Variants in AP5M1 observed in about 807,000 individuals in gnomAD.
The protein encoded by AP5M1 is adaptor related protein complex 5 subunit mu 1.
A neutral mutation model predicts 52.3 loss-of-function variants in AP5M1; 44 were observed. The observed-to-expected ratio is 0.84, with a 90% CI of 0.66 to 1.08. AP5M1 has a LOEUF of 1.08. AP5M1 is among the 50% of genes least tolerant of loss of function. AP5M1 has a pLI of 0.00. For missense variants in AP5M1, 526 were observed against 568.4 expected (o/e 0.93, Z 0.76); for synonymous variants, 213 against 199.0 (o/e 1.07, Z -0.59).
chr14:57,277,680 G>GAATACAT (rs1406652349), intron 2 of AP5M1, among the ~76,000 whole-genome samples: 11 of 143,222 alleles, frequency 7.7e-5, no homozygotes, highest in Non-Finnish European at 1.0e-4. Flanking sequence ...GATACATAAT[G>GAATACAT]AATTCCCACA....
rs1374269226 is a variant in AP5M1 at position 57,294,564 on chromosome 14, T to A, written c.*5680T>A. On this transcript the variant is annotated 3_prime_UTR_variant, in exon 8 of 8. Coordinates refer to ENST00000261558, the MANE Select transcript of AP5M1 (RefSeq NM_018229.4). ...GCTAATTTATTTATATTAACTCTTA[T>A]TAATTTGCCAGTGGTTGAAGTTGGA... The A allele has an allele frequency of 6.8e-6, 1 of 147,388 alleles. No individual in the cohort carries two copies. The highest frequency in any genetic ancestry group is 2.5e-5 in the African/African-American group (1 of 39,616). The allele number at this position is 147,388 out of a possible 1,614,324, so 9.1% of individuals were successfully genotyped here.
chr14:57,280,231 A>G lies in AP5M1; in HGVS notation c.757A>G (p.Ser253Gly). 6.2e-7 allele frequency: 1 copy of G among 1,613,988 alleles called. No homozygotes were observed. The highest frequency in any genetic ancestry group is 8.5e-7 in the Non-Finnish European group (1 of 1,179,926). The change falls in exon 3 of 8, where the codon AGC becomes GGC. Residue 253 changes from serine to glycine, a missense_variant. Ser to Gly is a moderately conservative substitution (Grantham distance 56). Transcript: ENST00000261558. ...AGGAATCATGCCAAATGTTACCATCAGCTTGAGTCTCCCCACCAATGGATC... is the reference window on the plus strand; with the variant it reads ...AGGAATCATGCCAAATGTTACCATCGGCTTGAGTCTCCCCACCAATGGATC... ...LEGIMPNVTI[S>G]LSLPTNGSPL...
chr14:57,277,011 C>A (rs960499835), intron 2 of AP5M1, among the ~76,000 whole-genome samples: 1 of 152,194 alleles, frequency 6.6e-6, no homozygotes, highest in East Asian at 1.9e-4. Context: ...AAAACCAGAG[C>A]CAAAGGCCAG....
intron 7 of AP5M1, 109 bp downstream of exon 7, chr14:57,286,428 C>T (rs1050061864): frequency 2.7e-6 from 2 of 740,312 alleles, no homozygotes; most frequent in South Asian, 1.7e-5. Context: ...AGAATAATCC[C>T]AATTTATAAA....
chr14:57,296,748 CTGAG>C lies in AP5M1; in HGVS notation c.*7865_*7868del, dbSNP rs1331891746. 1 of 151,966 alleles carries C rather than the reference CTGAG, an allele frequency of 6.6e-6. No homozygotes were observed. The highest frequency in any genetic ancestry group is 6.6e-5 in the Admixed American group (1 of 15,216). 9.4% of individuals were successfully genotyped at this position (151,966 alleles called of 1,614,324 possible). A position where few individuals can be genotyped will look rare whatever the true frequency, so the allele number is the denominator to read the frequency against. On this transcript the variant is annotated 3_prime_UTR_variant, in exon 8 of 8. Transcript: ENST00000261558. ...AGGTATGGCTTGGAATTTAGAACTG[CTGAG>C]CAATATGGTTGAGAGGGAGACCTTA...
chr14:57,277,083 CA>C (rs1885057190), intron 2 of AP5M1, among the ~76,000 whole-genome samples: 1 of 151,480 alleles, frequency 6.6e-6, no homozygotes. Flanking sequence ...GAAAGTTACA[CA>C]ATTTTGTGAA....
At chr14:57,272,360 A>G (rs2139683946) in intron 1 of AP5M1, among the ~76,000 whole-genome samples, 1 of 152,314 alleles carries the variant, frequency 6.6e-6, no homozygotes, top group East Asian at 1.9e-4. Flanking sequence ...AAGAAGGCAA[A>G]TGATGTTTTC....
chr14:57,269,056 G>T lies in AP5M1; in HGVS notation c.-259G>T, dbSNP rs910961477. 20 of 559,912 alleles carry T rather than the reference G, an allele frequency of 3.6e-5. No homozygotes were observed. Among genetic ancestry groups the T allele is most frequent in the Non-Finnish European group, 5.9e-5 (19 of 320,768 alleles). 34.7% of individuals were successfully genotyped at this position (559,912 alleles called of 1,614,324 possible). Reference sequence around the variant, plus strand: ...GAATTTAGAGGAAGAAAATACCGGAGTTGCAGGGTATAGGTAAATTTCTCA... The same window carrying T: ...GAATTTAGAGGAAGAAAATACCGGATTTGCAGGGTATAGGTAAATTTCTCA... On this transcript the variant is annotated 5_prime_UTR_variant, in exon 1 of 8. Transcript: ENST00000261558.
chr14:57,278,334 A>G (rs1202632094), intron 2 of AP5M1: 2 of 152,248 alleles, frequency 1.3e-5, no homozygotes, highest in Admixed American at 6.5e-5. Flanking sequence ...AAAAGTTCAC[A>G]AAGAAGTCTG....
intron 2 of AP5M1, chr14:57,275,550 T>C (rs1436405758): frequency 6.5e-6 from 1 of 152,724 alleles, no homozygotes; most frequent in African/African-American, 2.4e-5. Context: ...CTTCCACTAC[T>C]TTCTGTTCAT....
chr14:57,280,556 G>A (rs1873814928), intron 3 of AP5M1, 134 bp downstream of exon 3: 3 of 702,954 alleles, frequency 4.3e-6, no homozygotes, highest in Non-Finnish European at 7.1e-6. Flanking sequence ...GATGATTGAA[G>A]ATGAAGATTT....
Position 57,296,757 on chromosome 14 carries a change from A to G in AP5M1, c.*7873A>G, listed in dbSNP as rs1885561550. 6.6e-6 allele frequency: 1 copy of G among 152,114 alleles called. No individual in the cohort carries two copies. Among genetic ancestry groups the G allele is most frequent in the Non-Finnish European group, 1.5e-5 (1 of 67,996 alleles). 9.4% of individuals were successfully genotyped at this position (152,114 alleles called of 1,614,324 possible). On this transcript the variant is annotated 3_prime_UTR_variant, in exon 8 of 8. Coordinates refer to ENST00000261558, the MANE Select transcript of AP5M1 (RefSeq NM_018229.4). ...TTGGAATTTAGAACTGCTGAGCAATATGGTTGAGAGGGAGACCTTAATTTA... is the reference window on the plus strand; with the variant it reads ...TTGGAATTTAGAACTGCTGAGCAATGTGGTTGAGAGGGAGACCTTAATTTA...
Position 57,280,226 on chromosome 14 carries a change from C to A in AP5M1, c.752C>A (p.Thr251Asn), listed in dbSNP as rs763406494. 2.0e-5 allele frequency: 33 copies of A among 1,613,740 alleles called. No homozygotes were observed. The highest frequency in any genetic ancestry group is 2.8e-5 in the Non-Finnish European group (33 of 1,179,798). The change falls in exon 3 of 8, where the codon ACC becomes AAC. Residue 251 changes from threonine to asparagine, a missense_variant. Physicochemically the swap from Thr to Asn is moderately conservative, Grantham distance 65 (BLOSUM62 0). Transcript: ENST00000261558. ...CDLEGIMPNV[T>N]ISLSLPTNGS... is the part of the protein sequence containing the mutation. ...TTGGAAGGAATCATGCCAAATGTTA[C>A]CATCAGCTTGAGTCTCCCCACCAAT...
At position 57,277,148 on chromosome 14, in the gene AP5M1, T is replaced by A. The variant is rs566344101; in HGVS notation, c.720+2259T>A. Among the ~76,000 whole-genome samples, 257 of 148,150 alleles carry A rather than the reference T, an allele frequency of 1.7e-3. 5 individuals carry two copies. Among genetic ancestry groups the A allele is most frequent in the Admixed American group, 6.7e-3 (102 of 15,114 alleles). On this transcript the variant is annotated intron_variant, in intron 2 of 7. Coordinates refer to ENST00000261558, the MANE Select transcript of AP5M1 (RefSeq NM_018229.4). ...CTCTTAGGTGCCTTTTTTTTTTTTT[T>A]AAATAACTTTTACTTCTAAAGTTGG...
intron 2 of AP5M1, among the ~76,000 whole-genome samples, chr14:57,279,488 A>G (rs1214063204): frequency 4.6e-5 from 7 of 152,300 alleles, no homozygotes; most frequent in South Asian, 2.1e-4. Flanking sequence ...ACGAGACCAC[A>G]TGGTCACAAG....
chr14:57,280,334 C>G lies in AP5M1; in HGVS notation c.860C>G (p.Ala287Gly), dbSNP rs1465738528. Residue 287 changes from alanine to glycine, a missense_variant, in exon 3 of 8, where the codon GCA (alanine) becomes GGA (glycine). Transcript: ENST00000261558. ...SAILTSSSID[A>G]MDDSAFSGPY... Reference sequence around the variant, plus strand: ...ATTCTGACTTCTAGTAGTATTGATGCAATGGATGACTCTGCATTTAGTGGG... The same window carrying G: ...ATTCTGACTTCTAGTAGTATTGATGGAATGGATGACTCTGCATTTAGTGGG... The G allele has an allele frequency of 6.2e-7, 1 of 1,613,822 alleles. No homozygotes were observed. Among genetic ancestry groups the G allele is most frequent in the East Asian group, 2.2e-5 (1 of 44,850 alleles).
In AP5M1 at chr14:57,290,610, G is replaced by T. The variant is rs1034567968; in HGVS notation, c.*1726G>T. ...AGTTTATAAGCAGTTAGAAAAATCA[G>T]TGAATCTTCTATTTGACATTTCTAG... On this transcript the variant is annotated 3_prime_UTR_variant, in exon 8 of 8. Coordinates refer to ENST00000261558, the MANE Select transcript of AP5M1 (RefSeq NM_018229.4). 1 of 151,908 alleles carries T rather than the reference G, an allele frequency of 6.6e-6. No individual in the cohort carries two copies. Among genetic ancestry groups the T allele is most frequent in the Non-Finnish European group, 1.5e-5 (1 of 67,900 alleles). 9.4% of individuals were successfully genotyped at this position (151,908 alleles called of 1,614,324 possible).
In AP5M1 at chr14:57,274,563, T is replaced by A. The variant is rs1166381596; in HGVS notation, c.394T>A (p.Phe132Ile). ...LISVSGVSQGFEFLFGIQDFL... is the reference protein window; with the variant it reads ...LISVSGVSQGIEFLFGIQDFL... ...TAGTGTCAGTGGAGTTTCACAAGGCTTTGAATTTCTTTTTGGGATACAGGA... is the reference window on the plus strand; with the variant it reads ...TAGTGTCAGTGGAGTTTCACAAGGCATTGAATTTCTTTTTGGGATACAGGA... Residue 132 changes from phenylalanine to isoleucine, a missense_variant, in exon 2 of 8, where the codon TTT (phenylalanine) becomes ATT (isoleucine). By Grantham distance (21) the Phe-to-Ile change is conservative (BLOSUM62 0). Around this residue, in one of 3 missense-constraint regions of AP5M1, gnomAD observed 425 missense variants for 430.6 expected, o/e 0.99. Transcript: ENST00000261558. 1 of 1,614,166 alleles carries A rather than the reference T, an allele frequency of 6.2e-7. No homozygotes were observed. The highest frequency in any genetic ancestry group is 8.5e-7 in the Non-Finnish European group (1 of 1,180,028).
Position 57,282,924 on chromosome 14 carries a change from C to G in AP5M1, c.1089-10C>G, listed in dbSNP as rs748233296. On this transcript the variant is annotated splice_polypyrimidine_tract_variant and intron_variant, in intron 4 of 7. Transcript: ENST00000261558. ...TGATCTTTTTCTATTTTATCCTTTT[C>G]TTTTTAAAGAGGTCCAATTACACAT... 7.1e-6 allele frequency: 11 copies of G among 1,545,068 alleles called. No homozygotes were observed. In the Admixed American group the frequency reaches 2.0e-4, roughly 28 times the overall value.
Sources: allele counts gnomAD v4.1 joint callset (sites outside exome capture counted in the v4.1 genomes callset), GRCh38; gene constraint gnomAD v4.1.1; regional missense constraint gnomAD v4.1.1; transcripts MANE v1.5; gene names NCBI Gene and HGNC (gene_info 2026-07-23, HGNC 2026-07-21).